ZFPM2: variants seen among roughly 807,000 people sequenced by gnomAD.
ZFPM2 encodes the protein zinc finger protein ZFPM2.
A neutral mutation model predicts 98.6 loss-of-function variants in ZFPM2; 20 were observed. The ratio of observed to expected loss-of-function variants is 0.20; its 90% CI spans 0.14 to 0.29. The LOEUF is 0.29. ZFPM2 is among the 10% of genes least tolerant of loss of function. ZFPM2 has a pLI of 1.00. For synonymous variants in ZFPM2, 518 were observed against 502.7 expected, an observed-to-expected ratio of 1.03 and a Z score of -0.41; for missense variants, 1,310 against 1,388.6, an observed-to-expected ratio of 0.94 and a Z score of 0.90.
chr8:105,561,434 A>C lies in ZFPM2; in HGVS notation c.373A>C (p.Thr125Pro). Reference sequence around the variant, plus strand: ...TCGACAGCAACTTCCAGTGGGAACAACCTGGGGGCCGTTTCCTGGGAAGAT... The same window carrying C: ...TCGACAGCAACTTCCAGTGGGAACACCCTGGGGGCCGTTTCCTGGGAAGAT... ...QSRQQLPVGTTWGPFPGKMDL... is the reference protein window; with the variant it reads ...QSRQQLPVGTPWGPFPGKMDL... Residue 125 changes from threonine (T) to proline (P), a missense_variant, in exon 4 of 8, where the codon ACC becomes CCC. Physicochemically the swap from Thr to Pro is conservative, Grantham distance 38 (BLOSUM62 -1). Transcript: ENST00000407775. 1 of 1,613,342 alleles carries C rather than the reference A, an allele frequency of 6.2e-7. No homozygotes were observed. Among genetic ancestry groups the C allele is most frequent in the Non-Finnish European group, 8.5e-7 (1 of 1,179,602 alleles).
intron 5 of ZFPM2, among the ~76,000 whole-genome samples, chr8:105,698,561 A>G (rs1342928086): frequency 1.3e-5 from 2 of 152,204 alleles, no homozygotes; most frequent in Non-Finnish European, 2.9e-5. Flanking sequence ...GCCTAGTTTA[A>G]CTGTTAATTT....
chr8:105,765,887 T>G (rs542390702), intron 5 of ZFPM2, among the ~76,000 whole-genome samples: 2 of 152,028 alleles, frequency 1.3e-5, no homozygotes, highest in South Asian at 2.1e-4. Context: ...GTCCTCTAAT[T>G]TGTACTTTAA....
intron 1 of ZFPM2, among the ~76,000 whole-genome samples, chr8:105,371,705 T>TATCA (rs1448008150): frequency 1.3e-5 from 2 of 152,176 alleles, no homozygotes; most frequent in African/African-American, 2.4e-5. Context: ...TTGCATATGC[T>TATCA]ATCAGAGAAA....
At chr8:105,715,854 T>A (rs1281931368) in intron 5 of ZFPM2, among the ~76,000 whole-genome samples, 1 of 152,024 alleles carries the variant, frequency 6.6e-6, no homozygotes, top group Non-Finnish European at 1.5e-5. Context: ...GATTCAGAAT[T>A]TCTGGGACTA....
chr8:105,348,152 G>A (rs1266961721), intron 1 of ZFPM2, among the ~76,000 whole-genome samples: 1 of 152,196 alleles, frequency 6.6e-6, no homozygotes, highest in Non-Finnish European at 1.5e-5. Context: ...TTGCATCATA[G>A]TCTATGTGGA....
At chr8:105,796,761 T>C (rs1440980963) in intron 6 of ZFPM2, 2 of 152,194 alleles carry the variant, frequency 1.3e-5, no homozygotes, top group Admixed American at 6.5e-5. Context: ...CTTCTGTATT[T>C]CTTACAGAAA....
intron 4 of ZFPM2, among the ~76,000 whole-genome samples, chr8:105,602,805 T>C (rs1816120097): frequency 6.6e-6 from 1 of 152,110 alleles, no homozygotes; most frequent in Non-Finnish European, 1.5e-5. Flanking sequence ...TAAAAAATTA[T>C]TTGACTGGTA....
intron 5 of ZFPM2, among the ~76,000 whole-genome samples, chr8:105,698,730 G>C (rs574020864): frequency 6.6e-6 from 1 of 152,214 alleles, no homozygotes; most frequent in South Asian, 2.1e-4. Flanking sequence ...ACAGTTCCCT[G>C]ACAATAAACA....
At chr8:105,516,736 A>G (rs1376902506) in intron 3 of ZFPM2, among the ~76,000 whole-genome samples, 2 of 152,150 alleles carry the variant, frequency 1.3e-5, no homozygotes, top group South Asian at 2.1e-4. Flanking sequence ...TATGTCTAAT[A>G]TGGTAATGCT....
intron 3 of ZFPM2, among the ~76,000 whole-genome samples, chr8:105,450,762 A>C (rs2130251141): frequency 6.6e-6 from 1 of 152,130 alleles, no homozygotes; most frequent in East Asian, 1.9e-4. Flanking sequence ...ATTATAACAA[A>C]GTGTCAAAAA....
intron 5 of ZFPM2, among the ~76,000 whole-genome samples, chr8:105,771,605 G>T (rs1812978624): frequency 6.6e-6 from 1 of 152,050 alleles, no homozygotes; most frequent in African/African-American, 2.4e-5. Context: ...AAATTAGCTG[G>T]CTCTGGTTTT....
intron 4 of ZFPM2, among the ~76,000 whole-genome samples, chr8:105,562,765 C>G (rs1244807620): frequency 6.6e-6 from 1 of 152,140 alleles, no homozygotes; most frequent in Non-Finnish European, 1.5e-5. Context: ...CCTGGGTCGT[C>G]TAAGCTAATT....
chr8:105,767,630 T>C (rs1812884976), intron 5 of ZFPM2, among the ~76,000 whole-genome samples: 1 of 151,872 alleles, frequency 6.6e-6, no homozygotes, highest in Non-Finnish European at 1.5e-5. Flanking sequence ...TGAAGTAAGT[T>C]GGAAATGATT....
chr8:105,353,163 T>C (rs1812680356), intron 1 of ZFPM2, among the ~76,000 whole-genome samples: 1 of 152,138 alleles, frequency 6.6e-6, no homozygotes, highest in Non-Finnish European at 1.5e-5. Context: ...TTCACACTAC[T>C]TTCTTGGGTA....
intron 5 of ZFPM2, among the ~76,000 whole-genome samples, chr8:105,722,254 A>C (rs1056149827): frequency 6.6e-5 from 10 of 151,790 alleles, no homozygotes; most frequent in African/African-American, 2.4e-4. Flanking sequence ...TAATTCTTTC[A>C]TACCAATATA....
chr8:105,380,477 C>T (rs1810824864), intron 1 of ZFPM2, among the ~76,000 whole-genome samples: 1 of 146,850 alleles, frequency 6.8e-6, no homozygotes, highest in Non-Finnish European at 1.5e-5. Context: ...CATAAGGACC[C>T]TAGGTGATCA....
intron 5 of ZFPM2, chr8:105,786,941 C>G (rs568545821): frequency 1.7e-4 from 26 of 152,320 alleles, no homozygotes; most frequent in Admixed American, 1.6e-3. Flanking sequence ...TCTAGTGACT[C>G]TGAAACACCA....
At chr8:105,407,131 T>C (rs559105710) in intron 1 of ZFPM2, among the ~76,000 whole-genome samples, 1 of 151,130 alleles carries the variant, frequency 6.6e-6, no homozygotes, top group Non-Finnish European at 1.5e-5. Flanking sequence ...TTTTTGCATT[T>C]GCTGATAGGA....
In ZFPM2 at chr8:105,318,866, G is replaced by GGCGGCGGCGGCA. The variant is rs774809657; in HGVS notation, c.-69_-68insCGGCAGCGGCGG. On this transcript the variant is annotated 5_prime_UTR_variant, in exon 1 of 8. Coordinates refer to ENST00000407775, the MANE Select transcript of ZFPM2 (RefSeq NM_012082.4). ...GGCCAGCGGCGGCGGCGGCGGCGGCGGCGGCGGGAGCCGAGGGAGCGGCAG... is the reference window on the plus strand; with the variant it reads ...GGCCAGCGGCGGCGGCGGCGGCGGCGGCGGCGGCGGCAGCGGCGGGAGCCGAGGGAGCGGCAG... 1 of 779,612 alleles carries GGCGGCGGCGGCA rather than the reference G, an allele frequency of 1.3e-6. No homozygotes were observed. Among genetic ancestry groups the GGCGGCGGCGGCA allele is most frequent in the Admixed American group, 6.4e-5 (1 of 15,684 alleles). 48.3% of individuals were successfully genotyped at this position (779,612 alleles called of 1,614,324 possible). A position where few individuals can be genotyped will look rare whatever the true frequency, so the allele number is the denominator to read the frequency against.
Sources: gnomAD v4.1 joint callset for allele counts (sites outside exome capture counted in the v4.1 genomes callset) on GRCh38, gnomAD v4.1.1 for gene constraint, MANE v1.5 for transcripts, NCBI Gene and HGNC (gene_info 2026-07-23, HGNC 2026-07-21) for gene names.